The following CNTNAP2 variants were observed in gnomAD, a reference collection of about 807,000 sequenced individuals.
The protein encoded by CNTNAP2 is contactin-associated protein-like 2.
CNTNAP2 carries 98 observed loss-of-function variants against 155.2 expected under a neutral mutation model. The ratio of observed to expected loss-of-function variants is 0.63; its 90% CI spans 0.54 to 0.75. The LOEUF is 0.75. CNTNAP2 is among the 30% of genes least tolerant of loss of function. CNTNAP2 has a pLI of 0.00. For missense variants in CNTNAP2, 1,727 were observed against 1,688.1 expected (o/e 1.02, Z -0.40); for synonymous variants, 651 against 631.2 (o/e 1.03, Z -0.47).
intron 12 of CNTNAP2, among the ~76,000 whole-genome samples, chr7:147,619,331 A>G (rs369209888): frequency 2.0e-5 from 3 of 152,248 alleles, no homozygotes; most frequent in African/African-American, 7.2e-5. Context: ...TAATTTTTCT[A>G]CTTATGATAC....
intron 13 of CNTNAP2, among the ~76,000 whole-genome samples, chr7:147,799,851 A>G (rs1039055966): frequency 3.3e-5 from 5 of 152,172 alleles, no homozygotes; most frequent in Admixed American, 6.5e-5. Flanking sequence ...TTTTTTTCAC[A>G]CCACTCAATA....
intron 1 of CNTNAP2, among the ~76,000 whole-genome samples, chr7:146,118,959 A>G (rs537339216): frequency 1.9e-4 from 29 of 152,124 alleles, no homozygotes; most frequent in Non-Finnish European, 3.7e-4. Flanking sequence ...AATGAATTAA[A>G]TAATAAGGAT....
Position 148,329,448 on chromosome 7 carries a change from T to C in CNTNAP2, c.3476-54201T>C, listed in dbSNP as rs115309707. Among the ~76,000 whole-genome samples, 1,185 of 152,268 alleles carry C rather than the reference T, an allele frequency of 7.8e-3. 11 individuals are homozygous for C. Among genetic ancestry groups the C allele is most frequent in the African/African-American group, 0.027 (1,113 of 41,538 alleles). ...CATGGTGGCGGGCTGGGGACAGTCT[T>C]CTACTAGGAGGATGGGGAAGACCTG... On this transcript the variant is annotated intron_variant, in intron 21 of 23. Coordinates refer to ENST00000361727, the MANE Select transcript of CNTNAP2 (RefSeq NM_014141.6).
At chr7:146,209,277 G>C (rs1485069845) in intron 1 of CNTNAP2, among the ~76,000 whole-genome samples, 1 of 152,092 alleles carries the variant, frequency 6.6e-6, no homozygotes, top group Non-Finnish European at 1.5e-5. Flanking sequence ...CTACGAGTAG[G>C]CTGTCTCCCT....
intron 3 of CNTNAP2, among the ~76,000 whole-genome samples, chr7:146,982,406 C>T (rs1212068755): frequency 1.3e-5 from 2 of 152,044 alleles, no homozygotes; most frequent in African/African-American, 2.4e-5. Context: ...TTGTTACTTA[C>T]ACGAATGAAG....
At chr7:148,040,496 T>C (rs111486584) in intron 15 of CNTNAP2, among the ~76,000 whole-genome samples, 1,950 of 152,292 alleles carry the variant, frequency 0.013, 57 homozygotes, top group African/African-American at 0.044. Context: ...CTAATGTCGG[T>C]CACAATCAAG....
intron 21 of CNTNAP2, among the ~76,000 whole-genome samples, chr7:148,324,437 G>A (rs1442040428): frequency 6.6e-6 from 1 of 152,058 alleles, no homozygotes; most frequent in African/African-American, 2.4e-5. Context: ...CATTTTCAAA[G>A]CATTCTATGC....
rs141549996 is a variant in CNTNAP2 at position 146,381,918 on chromosome 7, C to T, written c.97+264945C>T. Among the ~76,000 whole-genome samples the T allele has an allele frequency of 4.8e-3, 733 of 152,200 alleles. 6 individuals carry two copies. The highest frequency in any genetic ancestry group is 0.014 in the Admixed American group (218 of 15,278). ...TGTCCCAGGGAAAATCAGAAGGCAGCGTTTATCCATGAGCTCTCATCCTTC... is the reference window on the plus strand; with the variant it reads ...TGTCCCAGGGAAAATCAGAAGGCAGTGTTTATCCATGAGCTCTCATCCTTC... On this transcript the variant is annotated intron_variant, in intron 1 of 23. Transcript: ENST00000361727.
intron 22 of CNTNAP2, among the ~76,000 whole-genome samples, chr7:148,388,665 A>G (rs1303087458): frequency 3.6e-4 from 55 of 151,578 alleles, no homozygotes; most frequent in Admixed American, 3.2e-3. Context: ...TTGTGGTTTT[A>G]TCTACTTTTG....
intron 21 of CNTNAP2, among the ~76,000 whole-genome samples, chr7:148,331,620 GTCGATGGATGGAGTGGATGGATGGAA>G: frequency 6.8e-5 from 2 of 29,260 alleles, no homozygotes; most frequent in Middle Eastern, 0.013. Flanking sequence ...GACGGATGGA[GTCGATGGATGGAGTGGATGGATGGAA>G]TGGACGGATG....
rs184954193 is a variant in CNTNAP2 at position 148,406,004 on chromosome 7, C to T, written c.3716-3387C>T. Among the ~76,000 whole-genome samples, 129 of 151,950 alleles carry T rather than the reference C, an allele frequency of 8.5e-4. 1 individual carries two copies. The South Asian group carries it at 0.011, about 14-fold the overall frequency. ...TCCCAGCACTTTAAGAGGCCAAGAC[C>T]GGCAGATCACGAGGTCAGGAGATCG... On this transcript the variant is annotated intron_variant, in intron 22 of 23. Coordinates refer to ENST00000361727, the MANE Select transcript of CNTNAP2 (RefSeq NM_014141.6).
intron 1 of CNTNAP2, among the ~76,000 whole-genome samples, chr7:146,183,029 A>T (rs1798571649): frequency 6.6e-6 from 1 of 152,186 alleles, no homozygotes; most frequent in Non-Finnish European, 1.5e-5. Context: ...CTTTTAGCTA[A>T]CAACTACAAT....
chr7:148,122,454 A>C (rs1804619194), intron 16 of CNTNAP2, among the ~76,000 whole-genome samples: 1 of 152,198 alleles, frequency 6.6e-6, no homozygotes, highest in Non-Finnish European at 1.5e-5. Context: ...AGCCAGGGAA[A>C]AAAGGAAGTT....
chr7:146,474,503 T>C (rs1174129152), intron 1 of CNTNAP2, among the ~76,000 whole-genome samples: 1 of 151,572 alleles, frequency 6.6e-6, no homozygotes, highest in Non-Finnish European at 1.5e-5. Flanking sequence ...GTTCTTCACA[T>C]GATTTGAGCT....
intron 3 of CNTNAP2, among the ~76,000 whole-genome samples, chr7:146,908,367 C>G (rs1318118956): frequency 1.3e-5 from 2 of 149,020 alleles, no homozygotes; most frequent in Non-Finnish European, 3.0e-5. Context: ...AGCACCACAC[C>G]ACACCTATTC....
At chr7:148,087,904 A>G (rs551778372) in intron 15 of CNTNAP2, among the ~76,000 whole-genome samples, 14 of 152,272 alleles carry the variant, frequency 9.2e-5, no homozygotes, top group Non-Finnish European at 1.6e-4. Context: ...ATTTTTTCCA[A>G]ATAAGATTAT....
At chr7:147,045,213 A>G (rs1799333863) in intron 4 of CNTNAP2, among the ~76,000 whole-genome samples, 1 of 152,138 alleles carries the variant, frequency 6.6e-6, no homozygotes, top group African/African-American at 2.4e-5. Context: ...GTCTCTTATT[A>G]GCCCGTTTCC....
At chr7:146,668,117 G>A (rs955871910) in intron 1 of CNTNAP2, among the ~76,000 whole-genome samples, 1 of 151,876 alleles carries the variant, frequency 6.6e-6, no homozygotes, top group Non-Finnish European at 1.5e-5. Flanking sequence ...TTTGTAATAT[G>A]TGCCTTTTAT....
rs375739783 is a variant in CNTNAP2, at chr7:147,878,066, T to C, written c.2099-25499T>C. On this transcript the variant is annotated intron_variant, in intron 13 of 23. Transcript: ENST00000361727. ...CGAAACTGAGTATGCTGATGGTTTT[T>C]GCAGCTATGGTAGTAACATTTTTCC... Among the ~76,000 whole-genome samples the C allele has an allele frequency of 2.0e-5, 3 of 152,172 alleles. No homozygotes were observed. In the East Asian group the frequency reaches 5.8e-4, roughly 29 times the overall value.
Sources: allele counts gnomAD v4.1 joint callset (sites outside exome capture counted in the v4.1 genomes callset), GRCh38; gene constraint gnomAD v4.1.1; transcripts MANE v1.5; gene names NCBI Gene and HGNC (gene_info 2026-07-23, HGNC 2026-07-21).